PTGER3: variants seen among roughly 807,000 people sequenced by gnomAD.
The protein encoded by PTGER3 is prostaglandin E receptor 3, also known as prostaglandin E2 receptor EP3 subtype.
In PTGER3, 22 loss-of-function variants were observed where a neutral mutation model predicts 34.7. The ratio of observed to expected loss-of-function variants is 0.63; its 90% CI spans 0.45 to 0.91. The LOEUF (loss-of-function observed/expected upper bound fraction) is 0.91, where lower values mean the gene tolerates loss of function less well. Among genes scored for constraint, PTGER3 ranks in the 40% least tolerant of loss-of-function variants. PTGER3 has a pLI of 0.00. For missense variants in PTGER3, 468 were observed against 519.4 expected, an observed-to-expected ratio of 0.90 and a Z score of 0.96; for synonymous variants, 241 against 230.1, an observed-to-expected ratio of 1.05 and a Z score of -0.43.
At chr1:70,872,915 A>C (rs929552556) in intron 4 of PTGER3, among the ~76,000 whole-genome samples, 1 of 152,064 alleles carries the variant, frequency 6.6e-6, no homozygotes, top group Non-Finnish European at 1.5e-5. Context: ...GATCCTTTCC[A>C]CTAACACATA....
intron 4 of PTGER3, among the ~76,000 whole-genome samples, chr1:70,886,604 C>G (rs1646503391): frequency 6.6e-6 from 1 of 152,174 alleles, no homozygotes; most frequent in Non-Finnish European, 1.5e-5. Flanking sequence ...CAACCACTTT[C>G]CTCTCTCTCT....
At chr1:70,894,643 T>C (rs2100298087) in intron 4 of PTGER3, among the ~76,000 whole-genome samples, 1 of 152,332 alleles carries the variant, frequency 6.6e-6, no homozygotes, top group East Asian at 1.9e-4. Flanking sequence ...GGATAACAAT[T>C]CCTGTGGAAT....
chr1:70,992,392 C>A (rs1054610858), intron 2 of PTGER3, among the ~76,000 whole-genome samples: 1 of 152,164 alleles, frequency 6.6e-6, no homozygotes, highest in Non-Finnish European at 1.5e-5. Context: ...TAAATGAAAT[C>A]CTAATTAAAA....
At chr1:70,908,448 A>T (rs74089138) in intron 4 of PTGER3, among the ~76,000 whole-genome samples, 4,298 of 152,224 alleles carry the variant, frequency 0.028, 228 homozygotes, top group African/African-American at 0.099. Context: ...GGAGCAGGAT[A>T]ACTCTGATGC....
At chr1:70,951,845 T>C (rs1265541758), downstream of PTGER3, among the ~76,000 whole-genome samples, 4 of 152,046 alleles carry the variant, frequency 2.6e-5, no homozygotes, top group Non-Finnish European at 5.9e-5. Flanking sequence ...AGAAACAAAT[T>C]ACTAAATAGG....
chr1:70,865,571 A>T (rs770173557), intron 4 of PTGER3: 7 of 1,187,718 alleles, frequency 5.9e-6, no homozygotes, highest in Non-Finnish European at 7.8e-6. Flanking sequence ...CCACAAAAAG[A>T]TAGGTGGGAC....
chr1:71,020,697 A>AGTGTGTGT lies in PTGER3; in HGVS notation c.898-8221_898-8214dup, dbSNP rs112981971. ...ATGAAGCTTTGGTGTATGTTAGCAG[A>AGTGTGTGT]GTGTGTGTGTGTGTGTGTGTGTGTG... On this transcript the variant is annotated intron_variant, in intron 1 of 3. Coordinates refer to ENST00000306666, the MANE Select transcript of PTGER3 (RefSeq NM_198719.2). Among the ~76,000 whole-genome samples, 594 of 144,882 alleles carry AGTGTGTGT rather than the reference A, an allele frequency of 4.1e-3. 7 individuals carry two copies. The highest frequency in any genetic ancestry group is 0.013 in the African/African-American group (512 of 39,406).
intron 4 of PTGER3, among the ~76,000 whole-genome samples, chr1:70,942,836 G>A (rs1221892774): frequency 6.6e-6 from 1 of 152,116 alleles, no homozygotes; most frequent in Non-Finnish European, 1.5e-5. Context: ...GGATGTGCAG[G>A]CACAGGACAC....
At chr1:71,008,038 G>C (rs1284185785) in intron 2 of PTGER3, 9 of 984,874 alleles carry the variant, frequency 9.1e-6, no homozygotes, top group Non-Finnish European at 1.1e-5. Flanking sequence ...TAGGCTACTG[G>C]CACTTTAAAA....
intron 4 of PTGER3, among the ~76,000 whole-genome samples, chr1:70,864,024 T>C (rs1645987535): frequency 6.6e-6 from 1 of 152,126 alleles, no homozygotes; most frequent in Admixed American, 6.6e-5. Context: ...ACGATCATTC[T>C]TTACAGAAAT....
chr1:70,953,728 ATGCAAC>A (rs1432602628), intron 3 of PTGER3: 1 of 1,538,116 alleles, frequency 6.5e-7, no homozygotes, highest in Admixed American at 2.1e-5. Context: ...TTGGATTCAA[ATGCAAC>A]TAGTTTTAAT....
At chr1:70,936,187 G>A (rs1649209310) in intron 4 of PTGER3, among the ~76,000 whole-genome samples, 1 of 152,168 alleles carries the variant, frequency 6.6e-6, no homozygotes, top group Non-Finnish European at 1.5e-5. Context: ...TTGGGAACTT[G>A]CTTGAGTGCA....
At chr1:70,911,165 G>T (rs554570774) in intron 4 of PTGER3, among the ~76,000 whole-genome samples, 4 of 150,884 alleles carry the variant, frequency 2.7e-5, no homozygotes, top group Middle Eastern at 3.4e-3. Context: ...TATCATTCTA[G>T]ATTGAGAACC....
intron 4 of PTGER3, among the ~76,000 whole-genome samples, chr1:70,903,501 A>G (rs1646883017): frequency 6.6e-6 from 1 of 152,138 alleles, no homozygotes; most frequent in South Asian, 2.1e-4. Context: ...TTCTTTTTCC[A>G]TTTATTGTTG....
intron 4 of PTGER3, among the ~76,000 whole-genome samples, chr1:70,857,170 T>G (rs1261683932): frequency 6.6e-6 from 1 of 152,260 alleles, no homozygotes; most frequent in Non-Finnish European, 1.5e-5. Context: ...CTTGATGTTT[T>G]AAGATTCCTT....
chr1:71,008,311 A>G lies in PTGER3; in HGVS notation c.1077+3994T>C, dbSNP rs143781052. On this transcript the variant is annotated intron_variant, in intron 2 of 3. Coordinates refer to ENST00000306666, the MANE Select transcript of PTGER3 (RefSeq NM_198719.2). ...GAAAATGTGTGACATAAATAAATATAATACATATCTGATTGAATTATATTT... is the reference window on the plus strand; with the variant it reads ...GAAAATGTGTGACATAAATAAATATGATACATATCTGATTGAATTATATTT... The G allele has an allele frequency of 2.5e-3, 2,168 of 872,862 alleles. 52 individuals are homozygous for G. In the African/African-American group the frequency reaches 0.037, roughly 15 times the overall value. The allele number at this position is 872,862 out of a possible 1,614,324, so 54.1% of individuals were successfully genotyped here. A position where few individuals can be genotyped will look rare whatever the true frequency, so the allele number is the denominator to read the frequency against.
chr1:70,886,642 A>G (rs906238221), intron 4 of PTGER3, among the ~76,000 whole-genome samples: 3 of 152,164 alleles, frequency 2.0e-5, no homozygotes, highest in African/African-American at 7.2e-5. Context: ...CACTCTCTGC[A>G]TCTTTACTCT....
rs1264912719 is a variant in PTGER3 at position 71,041,705 on chromosome 1, C to G, written c.897+4976G>C. Among the ~76,000 whole-genome samples, 3 of 152,080 alleles carry G rather than the reference C, an allele frequency of 2.0e-5. No individual in the cohort carries two copies. In the East Asian group the frequency reaches 5.8e-4, roughly 29 times the overall value. On this transcript the variant is annotated intron_variant, in intron 1 of 3. Coordinates refer to ENST00000306666, the MANE Select transcript of PTGER3 (RefSeq NM_198719.2). ...ACTTCCTTCCTGTCTTTTTGTAAAG[C>G]AATTGGAAAAAATGGGAGAGTAAGA...
intron 4 of PTGER3, among the ~76,000 whole-genome samples, chr1:70,934,608 A>T (rs1176451063): frequency 6.6e-6 from 1 of 152,194 alleles, no homozygotes; most frequent in Non-Finnish European, 1.5e-5. Flanking sequence ...CTAAACTATA[A>T]ATATGCTCAT....
Sources: allele counts gnomAD v4.1 joint callset (sites outside exome capture counted in the v4.1 genomes callset), GRCh38; gene constraint gnomAD v4.1.1; transcripts MANE v1.5; gene names NCBI Gene and HGNC (gene_info 2026-07-23, HGNC 2026-07-21).